The following KIF13B variants were observed in gnomAD, a reference collection of about 807,000 sequenced individuals.
The protein encoded by KIF13B is kinesin-like protein KIF13B.
KIF13B carries 127 observed loss-of-function variants against 222.0 expected under a neutral mutation model. The observed-to-expected ratio is 0.57, with a 90% CI of 0.50 to 0.66. KIF13B has a LOEUF of 0.66. KIF13B is among the 30% of genes least tolerant of loss of function. The pLI is 0.00. For synonymous variants in KIF13B, 976 were observed against 919.0 expected (o/e 1.06, Z -1.12); for missense variants, 2,173 against 2,379.0 (o/e 0.91, Z 1.80).
At chr8:29,239,725 C>T (rs561595468) in intron 2 of KIF13B, among the ~76,000 whole-genome samples, 7 of 152,276 alleles carry the variant, frequency 4.6e-5, no homozygotes, top group Non-Finnish European at 7.4e-5. Flanking sequence ...TGCGGTGGCA[C>T]GATCTTGGCT....
intron 38 of KIF13B, among the ~76,000 whole-genome samples, chr8:29,074,459 TG>T (rs994509288): frequency 6.6e-6 from 1 of 152,238 alleles, no homozygotes; most frequent in Non-Finnish European, 1.5e-5. Context: ...ATTATACCCT[TG>T]CCACTGAAGA....
At chr8:29,223,297 C>T (rs1814848105) in intron 2 of KIF13B, among the ~76,000 whole-genome samples, 1 of 141,538 alleles carries the variant, frequency 7.1e-6, no homozygotes, top group Non-Finnish European at 1.5e-5. Context: ...GATCACACCA[C>T]TGCACTCCAG....
chr8:29,143,201 C>T (rs1810897253), intron 18 of KIF13B, among the ~76,000 whole-genome samples: 6 of 152,196 alleles, frequency 3.9e-5, no homozygotes, highest in Admixed American at 3.9e-4. Context: ...CAAAAGACCA[C>T]ATTTAACAGC....
intron 35 of KIF13B, among the ~76,000 whole-genome samples, chr8:29,103,725 C>A (rs1425209652): frequency 6.6e-6 from 1 of 152,104 alleles, no homozygotes; most frequent in Non-Finnish European, 1.5e-5. Flanking sequence ...AGCAGGCTGG[C>A]CTCATTCCAA....
intron 37 of KIF13B, among the ~76,000 whole-genome samples, chr8:29,086,295 C>T (rs965441189): frequency 6.6e-6 from 1 of 152,148 alleles, no homozygotes; most frequent in African/African-American, 2.4e-5. Flanking sequence ...TTTAAGTCTC[C>T]AAGCTAAACT....
intron 2 of KIF13B, among the ~76,000 whole-genome samples, chr8:29,241,752 C>T (rs974931734): frequency 6.6e-6 from 1 of 150,492 alleles, no homozygotes; most frequent in African/African-American, 2.4e-5. Flanking sequence ...GAATGTCCTC[C>T]ATAAAGCAGA....
chr8:29,091,097 C>T (rs1442759009), intron 37 of KIF13B, among the ~76,000 whole-genome samples: 2 of 152,148 alleles, frequency 1.3e-5, no homozygotes, highest in Non-Finnish European at 2.9e-5. Flanking sequence ...TGTGCTCAAA[C>T]AATAAATGAA....
intron 1 of KIF13B, among the ~76,000 whole-genome samples, chr8:29,251,075 C>T (rs759234249): frequency 1.3e-5 from 2 of 151,622 alleles, no homozygotes; most frequent in African/African-American, 2.4e-5. Context: ...CACTTGAACC[C>T]GGGAGGCAGA....
chr8:29,260,247 C>A lies in KIF13B; in HGVS notation c.55+2733G>T, dbSNP rs1283855738. Among the ~76,000 whole-genome samples the A allele has an allele frequency of 3.3e-5, 5 of 152,202 alleles. No individual in the cohort carries two copies. In the South Asian group the frequency reaches 1.0e-3, roughly 32 times the overall value. ...GCTAACCACCTTAAAACTCCAAACA[C>A]CTAAGCACAACCACTGAATCACACA... is the stretch of plus-strand genomic sequence containing the variant. On this transcript the variant is annotated intron_variant, in intron 1 of 39. Transcript: ENST00000524189.
At chr8:29,179,446 G>A (rs565346992) in intron 8 of KIF13B, among the ~76,000 whole-genome samples, 120 of 152,348 alleles carry the variant, frequency 7.9e-4, no homozygotes, top group African/African-American at 2.7e-3. Context: ...GGCTCACGCA[G>A]TTAGCCGTCA....
rs1178014343 is a variant in KIF13B at position 29,071,048 on chromosome 8, T to G, written c.5219-282A>C. Among the ~76,000 whole-genome samples the G allele has an allele frequency of 6.6e-6, 1 of 152,134 alleles. No homozygotes were observed. The highest frequency in any genetic ancestry group is 1.5e-5 in the Non-Finnish European group (1 of 68,002). On this transcript the variant is annotated intron_variant, in intron 39 of 39. Coordinates refer to ENST00000524189, the MANE Select transcript of KIF13B (RefSeq NM_015254.4). This position sits in a 1 kb window ranked among gnomAD's most constrained non-coding sequence, Gnocchi z 4.9. Reference sequence around the variant, plus strand: ...AGGAGGTGACAGGCCCTGGGGGCCCTGGGGAGTGCCTTGTGGAAGCATAGG... The same window carrying G: ...AGGAGGTGACAGGCCCTGGGGGCCCGGGGGAGTGCCTTGTGGAAGCATAGG...
At chr8:29,165,900 C>CTAATTCGATTGTAGATCGAAG in intron 11 of KIF13B, 128 bp from the exon 12 acceptor site, 2 of 64,044 alleles carry the variant, frequency 3.1e-5, no homozygotes, top group Non-Finnish European at 5.5e-5. Flanking sequence ...GGTCTGACAT[C>CTAATTCGATTGTAGATCGAAG]TACTTCGATT....
rs767403615 is a variant in KIF13B at position 29,263,021 on chromosome 8, T to A, written c.14A>T (p.Lys5Ile). Residue 5 changes from lysine (K) to isoleucine (I), a missense_variant, in exon 1 of 40, where the codon AAA (lysine) becomes ATA (isoleucine). This residue lies in a region of KIF13B where 1,480 missense variants were observed against 1,722.8 expected (regional missense o/e 0.86). Coordinates refer to ENST00000524189, the MANE Select transcript of KIF13B (RefSeq NM_015254.4). ...TCGTATCCGCACCGCCACTTTCACT[T>A]TGGAGTCCCCCATCCTGCAGCCGCC... MGDS[K>I]VKVAVRIRPM... 6.3e-7 allele frequency: 1 copy of A among 1,598,532 alleles called. No homozygotes were observed.
Position 29,192,863 on chromosome 8 carries a change from G to C in KIF13B, c.163-1806C>G, listed in dbSNP as rs146658680. Reference sequence around the variant, plus strand: ...GTTTTGAAACCAAGAGTGCTTGCTTGTGCCTGGATCAGAATTGAGAAACTC... The same window carrying C: ...GTTTTGAAACCAAGAGTGCTTGCTTCTGCCTGGATCAGAATTGAGAAACTC... On this transcript the variant is annotated intron_variant, in intron 3 of 39. Transcript: ENST00000524189. Among the ~76,000 whole-genome samples, 449 of 152,192 alleles carry C rather than the reference G, an allele frequency of 3.0e-3. 3 individuals carry two copies. The highest frequency in any genetic ancestry group is 0.01 in the African/African-American group (431 of 41,508).
intron 31 of KIF13B, among the ~76,000 whole-genome samples, chr8:29,115,534 C>G (rs1190843052): frequency 1.3e-5 from 2 of 152,120 alleles, no homozygotes; most frequent in Admixed American, 1.3e-4. Context: ...CCATGTTGGT[C>G]AGGCTGGTCT....
chr8:29,147,243 G>C, intron 17 of KIF13B, 149 bp downstream of exon 17: 6 of 637,760 alleles, frequency 9.4e-6, no homozygotes, highest in Non-Finnish European at 1.3e-5. Context: ...AAAAACAAAT[G>C]CAAAGTGGTT....
At chr8:29,234,219 T>C (rs1339292518) in intron 2 of KIF13B, among the ~76,000 whole-genome samples, 3 of 152,068 alleles carry the variant, frequency 2.0e-5, no homozygotes, top group Non-Finnish European at 4.4e-5. Flanking sequence ...TGCACACCCA[T>C]GTTCACAGCA....
At chr8:29,242,179 A>G (rs1422913695) in intron 2 of KIF13B, among the ~76,000 whole-genome samples, 1 of 152,162 alleles carries the variant, frequency 6.6e-6, no homozygotes, top group Non-Finnish European at 1.5e-5. Context: ...GATAAAACTT[A>G]GCTTAAGAAA....
chr8:29,075,583 C>T (rs938579838), intron 37 of KIF13B, among the ~76,000 whole-genome samples: 3 of 152,220 alleles, frequency 2.0e-5, no homozygotes, highest in Admixed American at 6.5e-5. Flanking sequence ...CTTACACACA[C>T]GACGCTCTCT....
Sources: allele counts gnomAD v4.1 joint callset (sites outside exome capture counted in the v4.1 genomes callset), GRCh38; gene constraint gnomAD v4.1.1; regional missense constraint gnomAD v4.1.1; non-coding constraint Gnocchi (gnomAD v3.1); transcripts MANE v1.5; gene names NCBI Gene and HGNC (gene_info 2026-07-23, HGNC 2026-07-21).